The following NLGN4Y variants were observed in gnomAD, a reference collection of about 807,000 sequenced individuals.
NLGN4Y encodes the protein neuroligin-4, Y-linked.
NLGN4Y carries 4 observed loss-of-function variants against 8.4 expected under a neutral mutation model. The ratio of observed to expected loss-of-function variants is 0.48; its 90% CI spans 0.23 to 1.09. The LOEUF is 1.09. Among genes scored for constraint, NLGN4Y ranks in the 50% least tolerant of loss-of-function variants. The pLI, the probability that NLGN4Y is intolerant of heterozygous loss-of-function variation, is 0.19. For synonymous variants in NLGN4Y, 35 were observed against 75.6 expected (o/e 0.46, Z 2.78); for missense variants, 90 against 192.3 (o/e 0.47, Z 3.15).
intron 1 of NLGN4Y, among the ~76,000 whole-genome samples, chrY:14,557,775 G>A (rs927124051): frequency 5.0e-4 from 16 of 32,026 alleles, no homozygotes; most frequent in Non-Finnish European, 1.1e-3. Flanking sequence ...CATATTTTGG[G>A]GTATTGTTTT....
In NLGN4Y at chrY:14,663,416, A is replaced by G. The variant is rs2080681698; in HGVS notation, c.472+40825A>G. ...TAAACATATGAGTTTTGAGAGGACAACATTCAGACTGTAGCTTACTGTACT... is the reference window on the plus strand; with the variant it reads ...TAAACATATGAGTTTTGAGAGGACAGCATTCAGACTGTAGCTTACTGTACT... On this transcript the variant is annotated intron_variant, in intron 2 of 6. Coordinates refer to ENST00000684976, the MANE Select transcript of NLGN4Y (RefSeq NM_001365588.1). 1.2e-4 allele frequency among the ~76,000 whole-genome samples: 4 copies of G among 33,446 alleles called. No individual in the cohort carries two copies. The South Asian group carries it at 2.6e-3, about 22-fold the overall frequency. 89.7% of individuals were successfully genotyped at this position (33,446 alleles called of 37,273 possible).
intron 2 of NLGN4Y, among the ~76,000 whole-genome samples, chrY:14,690,211 A>T: frequency 3.0e-5 from 1 of 33,546 alleles, no homozygotes; most frequent in Non-Finnish European, 7.5e-5. Flanking sequence ...TGTGTGCATT[A>T]GTACAATTTT....
At chrY:14,643,589 C>A in intron 2 of NLGN4Y, among the ~76,000 whole-genome samples, 1 of 33,058 alleles carries the variant, frequency 3.0e-5, no homozygotes, top group African/African-American at 1.2e-4. Context: ...CAGCTGGTGG[C>A]AAATTAGAGA....
chrY:14,842,448 T>C lies in NLGN4Y; in HGVS notation c.*1186T>C. 1 of 120,718 alleles carries C rather than the reference T, an allele frequency of 8.3e-6. No individual in the cohort carries two copies. Among genetic ancestry groups the C allele is most frequent in the Non-Finnish European group, 1.8e-5 (1 of 55,980 alleles). The allele number at this position is 120,718 out of a possible 400,897, so 30.1% of individuals were successfully genotyped here. A position where few individuals can be genotyped will look rare whatever the true frequency, so the allele number is the denominator to read the frequency against. On this transcript the variant is annotated 3_prime_UTR_variant, in exon 7 of 7. Coordinates refer to ENST00000684976, the MANE Select transcript of NLGN4Y (RefSeq NM_001365588.1). ...TTGCCTTTGGTGGGGCTATGCCCCT[T>C]GGAGTAAATACAGCTCTGTGTTCCC...
chrY:14,587,005 CG>C (rs2080343878), intron 1 of NLGN4Y, among the ~76,000 whole-genome samples: 1 of 33,213 alleles, frequency 3.0e-5, no homozygotes, highest in Non-Finnish European at 7.4e-5. Context: ...AGCCAAGGGT[CG>C]TGCCAGGTCA....
chrY:14,619,957 G>A (rs2080502353), intron 1 of NLGN4Y, among the ~76,000 whole-genome samples: 1 of 33,540 alleles, frequency 3.0e-5, no homozygotes, highest in Admixed American at 2.8e-4. Flanking sequence ...TCTCTTATAA[G>A]TTGGAGCTAG....
intron 1 of NLGN4Y, among the ~76,000 whole-genome samples, chrY:14,562,233 T>C: frequency 3.0e-5 from 1 of 33,346 alleles, no homozygotes; most frequent in Non-Finnish European, 7.4e-5. Context: ...TCCATTTTGA[T>C]TTGATTTTTG....
At chrY:14,714,215 A>G (rs2080907963) in intron 2 of NLGN4Y, among the ~76,000 whole-genome samples, 1 of 33,126 alleles carries the variant, frequency 3.0e-5, no homozygotes, top group Non-Finnish European at 7.4e-5. Flanking sequence ...CTGCATGTAC[A>G]TAGACCATGG....
intron 1 of NLGN4Y, among the ~76,000 whole-genome samples, chrY:14,572,877 C>A: frequency 3.0e-5 from 1 of 33,426 alleles, no homozygotes; most frequent in East Asian, 7.9e-4. Flanking sequence ...GTCATTGGTT[C>A]TCTTTATATG....
chrY:14,805,478 A>T (rs2043053818), intron 4 of NLGN4Y, among the ~76,000 whole-genome samples: 2 of 33,613 alleles, frequency 6.0e-5, no homozygotes, highest in African/African-American at 2.3e-4. Flanking sequence ...AAATAGTTCC[A>T]CAATTGTACG....
chrY:14,802,740 T>A, intron 4 of NLGN4Y, among the ~76,000 whole-genome samples: 2 of 23,415 alleles, frequency 8.5e-5, no homozygotes, highest in African/African-American at 1.7e-4. Context: ...ATATATGTAA[T>A]TATATATTAT....
At chrY:14,630,931 G>C (rs2080546297) in intron 2 of NLGN4Y, among the ~76,000 whole-genome samples, 1 of 33,262 alleles carries the variant, frequency 3.0e-5, no homozygotes, top group Non-Finnish European at 7.4e-5. Flanking sequence ...GAAGCTCACT[G>C]CATCCTCAAA....
At chrY:14,792,293 T>A in intron 4 of NLGN4Y, among the ~76,000 whole-genome samples, 1 of 33,192 alleles carries the variant, frequency 3.0e-5, no homozygotes, top group Non-Finnish European at 7.4e-5. Flanking sequence ...AGAAATATCC[T>A]GGACTCAAAT....
At chrY:14,590,364 C>G (rs886493060) in intron 1 of NLGN4Y, among the ~76,000 whole-genome samples, 70 of 33,888 alleles carry the variant, frequency 2.1e-3, no homozygotes, top group Admixed American at 7.0e-3. Context: ...CCCCTCTAAA[C>G]AGGACACCCC....
intron 4 of NLGN4Y, among the ~76,000 whole-genome samples, chrY:14,768,021 C>T: frequency 3.0e-5 from 1 of 33,728 alleles, no homozygotes; most frequent in African/African-American, 1.2e-4. Context: ...AGAAGTTGTA[C>T]CTCAAAATTT....
At chrY:14,707,141 C>A (rs2080884513) in intron 2 of NLGN4Y, among the ~76,000 whole-genome samples, 1 of 8,263 alleles carries the variant, frequency 1.2e-4, no homozygotes, top group African/African-American at 4.7e-4. Flanking sequence ...ATATCTGTAG[C>A]GGTCTATATA....
chrY:14,542,158 A>G lies in NLGN4Y; in HGVS notation c.-112+17450A>G, dbSNP rs557867098. On this transcript the variant is annotated intron_variant, in intron 1 of 6. Transcript: ENST00000684976. ...ATAAAAAAGCAGGGGTTGCAATCCT[A>G]GTCTCTGATAAAACTCACTTTAAAT... Among the ~76,000 whole-genome samples the G allele has an allele frequency of 1.5e-4, 5 of 33,801 alleles. No individual in the cohort carries two copies. The South Asian group carries it at 3.3e-3, about 22-fold the overall frequency. 90.7% of individuals were successfully genotyped at this position (33,801 alleles called of 37,273 possible).
In NLGN4Y at chrY:14,749,433, T is replaced by G. The variant is rs1603503498; in HGVS notation, c.685+26164T>G. Among the ~76,000 whole-genome samples, 4 of 33,493 alleles carry G rather than the reference T, an allele frequency of 1.2e-4. No individual in the cohort carries two copies. The East Asian group carries it at 3.2e-3, about 27-fold the overall frequency. 89.9% of individuals were successfully genotyped at this position (33,493 alleles called of 37,273 possible). A position where few individuals can be genotyped will look rare whatever the true frequency, so the allele number is the denominator to read the frequency against. On this transcript the variant is annotated intron_variant, in intron 4 of 6. Coordinates refer to ENST00000684976, the MANE Select transcript of NLGN4Y (RefSeq NM_001365588.1). ...TCCTCATTCCCCTCCACCTATCATA[T>G]TTAGCATATTGTGTATTTGTCCTTA...
At chrY:14,571,786 G>C in intron 1 of NLGN4Y, among the ~76,000 whole-genome samples, 1 of 31,815 alleles carries the variant, frequency 3.1e-5, no homozygotes, top group South Asian at 7.4e-4. Context: ...AAGGTATAAG[G>C]AAGGGATCTA....
Sources: gnomAD v4.1 joint callset for allele counts (sites outside exome capture counted in the v4.1 genomes callset) on GRCh38, gnomAD v4.1.1 for gene constraint, MANE v1.5 for transcripts, NCBI Gene and HGNC (gene_info 2026-07-23, HGNC 2026-07-21) for gene names.